FBXW8: variants seen among roughly 807,000 people sequenced by gnomAD.
The protein encoded by FBXW8 is F-box/WD repeat-containing protein 8.
In FBXW8, 57 loss-of-function variants were observed where a neutral mutation model predicts 65.3. That is an observed-to-expected ratio of 0.87 (90% CI 0.71 to 1.09). FBXW8 has a LOEUF of 1.09. FBXW8 is among the 50% of genes least tolerant of loss of function. The pLI is 0.00. For synonymous variants in FBXW8, 308 were observed against 330.2 expected, an observed-to-expected ratio of 0.93 and a Z score of 0.73; for missense variants, 777 against 814.8, an observed-to-expected ratio of 0.95 and a Z score of 0.57.
At chr12:116,958,247 C>G (rs1883775098) in intron 4 of FBXW8, among the ~76,000 whole-genome samples, 1 of 152,178 alleles carries the variant, frequency 6.6e-6, no homozygotes, top group Non-Finnish European at 1.5e-5. Flanking sequence ...CATAATACAA[C>G]CCCATCGTGT....
intron 10 of FBXW8, among the ~76,000 whole-genome samples, 175 bp from the exon 11 acceptor site, chr12:117,027,853 C>CGTT (rs1359096646): frequency 1.3e-5 from 2 of 152,252 alleles, no homozygotes; most frequent in Non-Finnish European, 2.9e-5. Flanking sequence ...TGCACCCCCA[C>CGTT]GTTGACCGCT....
At chr12:117,000,127 G>A (rs1248121182) in intron 7 of FBXW8, among the ~76,000 whole-genome samples, 3 of 152,062 alleles carry the variant, frequency 2.0e-5, no homozygotes, top group Non-Finnish European at 4.4e-5. Context: ...GACTACAGGC[G>A]CCCGCCACCA....
chr12:116,969,220 C>A lies in FBXW8; in HGVS notation c.835+4366C>A, dbSNP rs57311996. ...AAGGCTGCAGTGTTTCCATTGAAAT[C>A]TTTGATTCGTTTCAAGTTCATTTTG... On this transcript the variant is annotated intron_variant, in intron 5 of 10. Coordinates refer to ENST00000652555, the MANE Select transcript of FBXW8 (RefSeq NM_153348.3). 5.7e-3 allele frequency among the ~76,000 whole-genome samples: 861 copies of A among 152,244 alleles called. 9 individuals carry two copies. Among genetic ancestry groups the A allele is most frequent in the African/African-American group, 0.02 (813 of 41,540 alleles).
intron 5 of FBXW8, among the ~76,000 whole-genome samples, chr12:116,982,631 T>C (rs1388740725): frequency 6.6e-6 from 1 of 151,810 alleles, no homozygotes; most frequent in African/African-American, 2.4e-5. Flanking sequence ...GGATTTTTTT[T>C]TTTTTTTTTC....
At chr12:117,021,734 A>C (rs1954104272) in intron 8 of FBXW8, among the ~76,000 whole-genome samples, 1 of 151,860 alleles carries the variant, frequency 6.6e-6, no homozygotes, top group Non-Finnish European at 1.5e-5. Flanking sequence ...AAGTCTACCC[A>C]CTTCTTTCCG....
At chr12:117,026,949 G>A (rs1954246583) in intron 9 of FBXW8, among the ~76,000 whole-genome samples, 1 of 152,214 alleles carries the variant, frequency 6.6e-6, no homozygotes, top group Admixed American at 6.5e-5. Flanking sequence ...GCAGCCCTAT[G>A]AGCAGGATGT....
At chr12:116,937,706 A>G (rs910410883) in intron 2 of FBXW8, among the ~76,000 whole-genome samples, 13 of 151,236 alleles carry the variant, frequency 8.6e-5, no homozygotes, top group African/African-American at 3.2e-4. Context: ...CAGTGAGTGC[A>G]TAGAGAGCTG....
chr12:116,952,301 A>C (rs1883335794), intron 4 of FBXW8, among the ~76,000 whole-genome samples: 1 of 152,216 alleles, frequency 6.6e-6, no homozygotes, highest in Admixed American at 6.5e-5. Context: ...TCACCAAAGG[A>C]TGCATTTTTC....
intron 1 of FBXW8, among the ~76,000 whole-genome samples, chr12:116,913,803 A>G (rs904845669): frequency 6.6e-6 from 1 of 152,196 alleles, no homozygotes; most frequent in African/African-American, 2.4e-5. Flanking sequence ...GGACCTGCAT[A>G]CTGGAGAATC....
intron 4 of FBXW8, among the ~76,000 whole-genome samples, chr12:116,963,605 AAAAC>A (rs1217728558): frequency 7.9e-5 from 12 of 152,328 alleles, no homozygotes; most frequent in African/African-American, 1.7e-4. Context: ...CCCTGTCTCA[AAAAC>A]AAACAAAAGA....
intron 5 of FBXW8, among the ~76,000 whole-genome samples, chr12:116,970,769 T>G (rs1378819708): frequency 2.6e-5 from 4 of 152,216 alleles, no homozygotes; most frequent in Admixed American, 2.6e-4. Flanking sequence ...AAGCATTGCT[T>G]GCGAGAAGGC....
rs117541493 is a variant in FBXW8 at position 117,004,245 on chromosome 12, A to G, written c.1240-6078A>G. Among the ~76,000 whole-genome samples, 3 of 152,042 alleles carry G rather than the reference A, an allele frequency of 2.0e-5. No homozygotes were observed. In the East Asian group the frequency reaches 5.8e-4, roughly 29 times the overall value. On this transcript the variant is annotated intron_variant, in intron 7 of 10. Transcript: ENST00000652555. ...TTATTTTTCAAATCTGCTTAATCCGATTTCCTACTTTTTATCCTCTCCCTC... is the reference window on the plus strand; with the variant it reads ...TTATTTTTCAAATCTGCTTAATCCGGTTTCCTACTTTTTATCCTCTCCCTC...
At chr12:116,958,876 C>T (rs1402153143) in intron 4 of FBXW8, among the ~76,000 whole-genome samples, 1 of 152,212 alleles carries the variant, frequency 6.6e-6, no homozygotes, top group African/African-American at 2.4e-5. Context: ...TGAAACACAG[C>T]TTCAGAATCC....
chr12:117,027,495 C>G lies in FBXW8; in HGVS notation c.1643C>G (p.Thr548Ser). ...MRNADLDSFT[T>S]HRRHRGLIRA... The stretch of plus-strand genomic sequence containing the variant: ...AACGCCGACCTGGACAGCTTCACTA[C>G]TCACAGGAGGTTAGTGGTGGGGCCG... The change falls in exon 10 of 11, where the codon ACT becomes AGT. Residue 548 changes from threonine to serine, a missense_variant. Physicochemically the swap from Thr to Ser is moderately conservative, Grantham distance 58. Transcript: ENST00000652555. The G allele has an allele frequency of 6.2e-7, 1 of 1,613,902 alleles. No individual in the cohort carries two copies. Among genetic ancestry groups the G allele is most frequent in the East Asian group, 2.2e-5 (1 of 44,880 alleles).
At position 116,927,094 on chromosome 12, in the gene FBXW8, A is replaced by C. The variant is rs139853583; in HGVS notation, c.319-929A>C. ...TTAAGCGAGTGCTGTTGGGACACAGAGTGAAGCTTTTCCTAGCTTTGCAGA... is the reference window on the plus strand; with the variant it reads ...TTAAGCGAGTGCTGTTGGGACACAGCGTGAAGCTTTTCCTAGCTTTGCAGA... On this transcript the variant is annotated intron_variant, in intron 1 of 10. Coordinates refer to ENST00000652555, the MANE Select transcript of FBXW8 (RefSeq NM_153348.3). Among the ~76,000 whole-genome samples the C allele has an allele frequency of 9.2e-4, 140 of 152,318 alleles. 1 individual carries two copies. The highest frequency in any genetic ancestry group is 3.2e-3 in the African/African-American group (134 of 41,572).
chr12:116,944,240 C>T (rs1238723442), intron 2 of FBXW8, among the ~76,000 whole-genome samples: 3 of 152,174 alleles, frequency 2.0e-5, no homozygotes, highest in East Asian at 1.9e-4. Context: ...TTCCAGACTC[C>T]GAAAAAGTTG....
intron 7 of FBXW8, among the ~76,000 whole-genome samples, chr12:117,008,584 C>T (rs554715819): frequency 1.3e-5 from 2 of 152,162 alleles, no homozygotes; most frequent in East Asian, 1.9e-4. Context: ...TTGTTTTGAC[C>T]ATTAGAAACT....
intron 8 of FBXW8, among the ~76,000 whole-genome samples, chr12:117,012,315 G>C (rs1404735940): frequency 6.6e-6 from 1 of 152,106 alleles, no homozygotes. Flanking sequence ...CTCTGTCTCT[G>C]TGGATGAAAA....
chr12:117,014,672 A>G (rs1214124097), intron 8 of FBXW8, among the ~76,000 whole-genome samples: 1 of 152,202 alleles, frequency 6.6e-6, no homozygotes, highest in Non-Finnish European at 1.5e-5. Context: ...GGTGACTCCA[A>G]TGTCAGTTTG....
Sources: allele counts gnomAD v4.1 joint callset (sites outside exome capture counted in the v4.1 genomes callset), GRCh38; gene constraint gnomAD v4.1.1; transcripts MANE v1.5; gene names NCBI Gene and HGNC (gene_info 2026-07-23, HGNC 2026-07-21).